The following SLC9A2 variants were observed in gnomAD, a reference collection of about 807,000 sequenced individuals.
SLC9A2 encodes the protein solute carrier family 9 member A2, also known as sodium/hydrogen exchanger 2.
Under a neutral mutation model 71.7 loss-of-function variants are expected in SLC9A2, and 42 were observed. The observed-to-expected ratio is 0.59, with a 90% CI of 0.46 to 0.76. SLC9A2 has a LOEUF of 0.76. Ranked by LOEUF, SLC9A2 falls within the 30% of genes least tolerant of loss-of-function variation. SLC9A2 has a pLI of 0.00. For missense variants in SLC9A2, 829 were observed against 1,017.4 expected, an observed-to-expected ratio of 0.81 and a Z score of 2.52; for synonymous variants, 396 against 392.5, an observed-to-expected ratio of 1.01 and a Z score of -0.10.
At chr2:102,662,883 A>G (rs1474043059) in intron 2 of SLC9A2, among the ~76,000 whole-genome samples, 1 of 152,128 alleles carries the variant, frequency 6.6e-6, no homozygotes, top group East Asian at 1.9e-4. Flanking sequence ...AGAGCAAAGA[A>G]GAGATGAGCC....
intron 11 of SLC9A2, among the ~76,000 whole-genome samples, chr2:102,707,110 G>A (rs1179367438): frequency 6.6e-6 from 1 of 152,128 alleles, no homozygotes; most frequent in Non-Finnish European, 1.5e-5. Flanking sequence ...GAGATAGGGA[G>A]CTGGGCAAGG....
rs1044784729 is a variant in SLC9A2 at position 102,669,855 on chromosome 2, T to C, written c.1004+4505T>C. Among the ~76,000 whole-genome samples the C allele has an allele frequency of 1.3e-5, 2 of 152,130 alleles. 1 individual carries two copies. Among genetic ancestry groups the C allele is most frequent in the Admixed American group, 1.3e-4 (2 of 15,282 alleles). On this transcript the variant is annotated intron_variant, in intron 3 of 11. Coordinates refer to ENST00000233969, the MANE Select transcript of SLC9A2 (RefSeq NM_003048.6). ...TTTTGGACTTCAGGCTCCTTTCTGATCCTCCCCTTCTACCCTACACAGTCC... is the reference window on the plus strand; with the variant it reads ...TTTTGGACTTCAGGCTCCTTTCTGACCCTCCCCTTCTACCCTACACAGTCC...
At chr2:102,666,489 G>A (rs945967690) in intron 3 of SLC9A2, among the ~76,000 whole-genome samples, 2 of 152,160 alleles carry the variant, frequency 1.3e-5, no homozygotes, top group Non-Finnish European at 2.9e-5. Flanking sequence ...GAGCCACCGC[G>A]CCCAGCCGGT....
intron 1 of SLC9A2, among the ~76,000 whole-genome samples, chr2:102,646,846 G>A (rs901278569): frequency 4.0e-5 from 6 of 150,054 alleles, no homozygotes; most frequent in Admixed American, 1.3e-4. Context: ...CCTACAAAGA[G>A]ACTTAGACTC....
intron 1 of SLC9A2, among the ~76,000 whole-genome samples, chr2:102,633,340 C>A (rs1676410460): frequency 1.3e-5 from 2 of 152,094 alleles, no homozygotes; most frequent in African/African-American, 2.4e-5. Flanking sequence ...ACCGGGCCCC[C>A]TGTTTCTCAC....
intron 3 of SLC9A2, among the ~76,000 whole-genome samples, chr2:102,681,815 G>A (rs1677456872): frequency 6.6e-6 from 1 of 152,064 alleles, no homozygotes; most frequent in South Asian, 2.1e-4. Flanking sequence ...TTTAATAAGG[G>A]GCACAAAAAT....
At chr2:102,694,343 A>C (rs1677713085) in intron 5 of SLC9A2, 71 bp from the exon 6 acceptor site, 1 of 508,814 alleles carries the variant, frequency 2.0e-6, no homozygotes, top group Admixed American at 4.6e-5. Flanking sequence ...TTTATATTAA[A>C]ATTTTTATAT....
At chr2:102,631,735 T>C (rs1676360249) in intron 1 of SLC9A2, among the ~76,000 whole-genome samples, 1 of 151,864 alleles carries the variant, frequency 6.6e-6, no homozygotes, top group Non-Finnish European at 1.5e-5. Flanking sequence ...AAAAATAATG[T>C]ATACTTTCCT....
At chr2:102,635,374 G>A (rs1248691430) in intron 1 of SLC9A2, among the ~76,000 whole-genome samples, 1 of 152,254 alleles carries the variant, frequency 6.6e-6, no homozygotes, top group East Asian at 1.9e-4. Context: ...GTTCGCTCGT[G>A]AAGTTTCTGG....
chr2:102,631,795 A>G (rs1315859917), intron 1 of SLC9A2, among the ~76,000 whole-genome samples: 1 of 151,070 alleles, frequency 6.6e-6, no homozygotes, highest in Non-Finnish European at 1.5e-5. Flanking sequence ...CTTCTGTTTT[A>G]TTTTGCGTAT....
At chr2:102,637,005 G>C (rs1271713067) in intron 1 of SLC9A2, among the ~76,000 whole-genome samples, 1 of 152,124 alleles carries the variant, frequency 6.6e-6, no homozygotes, top group Non-Finnish European at 1.5e-5. Flanking sequence ...TGGGAGGGTT[G>C]GAAGAAAGGA....
intron 5 of SLC9A2, among the ~76,000 whole-genome samples, chr2:102,688,500 C>T (rs568433171): frequency 2.6e-5 from 4 of 152,230 alleles, no homozygotes; most frequent in East Asian, 1.9e-4. Context: ...GAGGCCAAGG[C>T]GGGTGGATCA....
At chr2:102,622,670 T>C (rs1032293271) in intron 1 of SLC9A2, among the ~76,000 whole-genome samples, 1 of 152,210 alleles carries the variant, frequency 6.6e-6, no homozygotes, top group Non-Finnish European at 1.5e-5. Flanking sequence ...CTTGTTCTTT[T>C]GGGAGGATTA....
rs1289360528 is a variant in SLC9A2 at position 102,657,925 on chromosome 2, C to T, written c.651C>T (p.Val217=). The change falls in exon 2 of 12, where the codon GTC becomes GTT. Residue 217 remains valine, a synonymous_variant. Transcript: ENST00000233969. The part of the protein sequence containing the change: ...NLLFGSLISA[V]DPVAVLAVFE... ...TCTTTGGCAGCTTAATCTCAGCTGT[C>T]GATCCTGTGGCTGTGCTTGCTGTCT... 7 of 1,614,102 alleles carry T rather than the reference C, an allele frequency of 4.3e-6. No individual in the cohort carries two copies. In the South Asian group the frequency reaches 5.5e-5, roughly 13 times the overall value.
At chr2:102,703,636 A>G (rs904891189) in intron 9 of SLC9A2, among the ~76,000 whole-genome samples, 58 of 152,228 alleles carry the variant, frequency 3.8e-4, no homozygotes, top group Admixed American at 1.0e-3. Flanking sequence ...CAAGGCAGGA[A>G]TGAAGCCTTG....
intron 1 of SLC9A2, among the ~76,000 whole-genome samples, chr2:102,632,105 TATATATGTATATATAC>T (rs1558701434): frequency 0.012 from 981 of 78,742 alleles, 29 homozygotes; most frequent in African/African-American, 0.045. Context: ...TATATATACA[TATATATGTATATATAC>T]ATATATACAT....
At chr2:102,631,120 T>C (rs1291882311) in intron 1 of SLC9A2, among the ~76,000 whole-genome samples, 1 of 152,084 alleles carries the variant, frequency 6.6e-6, no homozygotes, top group Non-Finnish European at 1.5e-5. Flanking sequence ...TTACTATTCA[T>C]TTCTTAGCTT....
chr2:102,668,886 C>A (rs1330562307), intron 3 of SLC9A2, among the ~76,000 whole-genome samples: 1 of 152,170 alleles, frequency 6.6e-6, no homozygotes, highest in African/African-American at 2.4e-5. Flanking sequence ...AGCTTTGTTG[C>A]CTCTTGGGCA....
intron 1 of SLC9A2, among the ~76,000 whole-genome samples, chr2:102,625,968 C>T (rs953021192): frequency 1.3e-5 from 2 of 152,194 alleles, no homozygotes; most frequent in African/African-American, 4.8e-5. Flanking sequence ...TTCTTCACAT[C>T]CTCTCTAGCA....
Sources: gnomAD v4.1 joint callset for allele counts (sites outside exome capture counted in the v4.1 genomes callset) on GRCh38, gnomAD v4.1.1 for gene constraint, MANE v1.5 for transcripts, NCBI Gene and HGNC (gene_info 2026-07-23, HGNC 2026-07-21) for gene names.